Variants in PTPRK observed in about 807,000 individuals in gnomAD.
The protein encoded by PTPRK is protein tyrosine phosphatase receptor type K, also known as receptor-type tyrosine-protein phosphatase kappa.
In PTPRK, 75 loss-of-function variants were observed where a neutral mutation model predicts 178.0. That is an observed-to-expected ratio of 0.42 (90% CI 0.35 to 0.51). PTPRK has a LOEUF of 0.51. PTPRK is among the 20% of genes least tolerant of loss of function. The pLI is 0.02. For missense variants in PTPRK, 1,441 were observed against 1,797.8 expected, an observed-to-expected ratio of 0.80 and a Z score of 3.59; for synonymous variants, 637 against 620.6, an observed-to-expected ratio of 1.03 and a Z score of -0.39.
At chr6:128,423,726 G>A (rs913353834) in intron 1 of PTPRK, among the ~76,000 whole-genome samples, 2 of 152,040 alleles carry the variant, frequency 1.3e-5, no homozygotes, top group Non-Finnish European at 2.9e-5. Context: ...TACACGGGAG[G>A]CTGAGGCAGG....
At chr6:128,188,505 C>T (rs772213942) in intron 6 of PTPRK, among the ~76,000 whole-genome samples, 8 of 152,042 alleles carry the variant, frequency 5.3e-5, no homozygotes, top group Non-Finnish European at 8.8e-5. Context: ...TCAATCCTAC[C>T]TCCTTCCTAA....
chr6:128,178,842 C>T (rs1254216593), intron 7 of PTPRK, among the ~76,000 whole-genome samples: 1 of 151,724 alleles, frequency 6.6e-6, no homozygotes, highest in Non-Finnish European at 1.5e-5. Context: ...TGTTATTATC[C>T]ATAATATATT....
At chr6:128,209,597 C>A (rs1807697132) in intron 6 of PTPRK, among the ~76,000 whole-genome samples, 1 of 152,132 alleles carries the variant, frequency 6.6e-6, no homozygotes, top group African/African-American at 2.4e-5. Flanking sequence ...TTATACCTCA[C>A]TATTTTTGTT....
intron 7 of PTPRK, among the ~76,000 whole-genome samples, chr6:128,092,191 A>G (rs560409646): frequency 6.6e-6 from 1 of 152,332 alleles, no homozygotes; most frequent in Admixed American, 6.5e-5. Flanking sequence ...GTGGAAAGAA[A>G]TAGCTTTCTA....
intron 3 of PTPRK, among the ~76,000 whole-genome samples, chr6:128,298,639 T>C (rs995306171): frequency 1.3e-5 from 2 of 152,154 alleles, no homozygotes; most frequent in Non-Finnish European, 2.9e-5. Context: ...TCTCAATAGA[T>C]GCAGAAAAGG....
At chr6:128,244,267 G>C (rs1308131933) in intron 3 of PTPRK, among the ~76,000 whole-genome samples, 2 of 152,094 alleles carry the variant, frequency 1.3e-5, no homozygotes, top group Non-Finnish European at 2.9e-5. Flanking sequence ...AGATTATCAG[G>C]GTAAAATAAA....
At chr6:128,057,718 A>G (rs1242911402) in intron 13 of PTPRK, among the ~76,000 whole-genome samples, 1 of 152,110 alleles carries the variant, frequency 6.6e-6, no homozygotes, top group Non-Finnish European at 1.5e-5. Context: ...TTTCACTGTA[A>G]TAAGTCGTAG....
intron 24 of PTPRK, among the ~76,000 whole-genome samples, chr6:127,982,064 T>G (rs1775408122): frequency 6.6e-6 from 1 of 152,168 alleles, no homozygotes; most frequent in South Asian, 2.1e-4. Flanking sequence ...GGTCTTGAAC[T>G]GCTGACCTCA....
At chr6:128,108,067 AAAACACACAC>A (rs1790010065) in intron 7 of PTPRK, among the ~76,000 whole-genome samples, 2 of 126,234 alleles carry the variant, frequency 1.6e-5, no homozygotes, top group East Asian at 2.6e-4. Flanking sequence ...CCTAAATAGC[AAAACACACAC>A]ACACACACAC....
intron 7 of PTPRK, among the ~76,000 whole-genome samples, chr6:128,099,715 G>A (rs1385833824): frequency 6.6e-6 from 1 of 152,042 alleles, no homozygotes; most frequent in Non-Finnish European, 1.5e-5. Flanking sequence ...TTGCTTCAGG[G>A]AATAGAGAGA....
At chr6:128,219,657 C>T (rs1309930080) in intron 5 of PTPRK, among the ~76,000 whole-genome samples, 1 of 152,184 alleles carries the variant, frequency 6.6e-6, no homozygotes, top group African/African-American at 2.4e-5. Flanking sequence ...CCATAAATTG[C>T]TACTACACCA....
chr6:128,031,798 G>A (rs750712664), intron 13 of PTPRK, among the ~76,000 whole-genome samples: 6 of 151,732 alleles, frequency 4.0e-5, no homozygotes, highest in South Asian at 2.1e-4. Context: ...AACACCAAAA[G>A]TTAAGTGACA....
At chr6:127,986,007 T>TC (rs1389359653) in intron 21 of PTPRK, 132 bp from the exon 22 acceptor site, 5 of 781,356 alleles carry the variant, frequency 6.4e-6, no homozygotes, top group Non-Finnish European at 1.8e-6. Flanking sequence ...CTATGCCTTT[T>TC]CTTAAAAAAA....
Position 128,449,925 on chromosome 6 carries a change from G to A in PTPRK, c.101-52237C>T, listed in dbSNP as rs577886630. Among the ~76,000 whole-genome samples the A allele has an allele frequency of 3.4e-4, 46 of 135,196 alleles. 1 individual carries two copies. Among genetic ancestry groups the A allele is most frequent in the African/African-American group, 1.1e-3 (39 of 35,482 alleles). 88.7% of individuals were successfully genotyped at this position (135,196 alleles called of 152,430 possible). A position where few individuals can be genotyped will look rare whatever the true frequency, so the allele number is the denominator to read the frequency against. Reference sequence around the variant, plus strand: ...AGCCTGGCCAACGTGGTGAAGCCCCGTCTTTACTAAAAATGCAAAAAAAAA... The same window carrying A: ...AGCCTGGCCAACGTGGTGAAGCCCCATCTTTACTAAAAATGCAAAAAAAAA... On this transcript the variant is annotated intron_variant, in intron 1 of 29. Transcript: ENST00000368226.
At chr6:128,454,250 A>C (rs182240483) in intron 1 of PTPRK, among the ~76,000 whole-genome samples, 2 of 152,208 alleles carry the variant, frequency 1.3e-5, no homozygotes, top group African/African-American at 4.8e-5. Context: ...GTGAGAAATA[A>C]ATTTCTTTTG....
chr6:128,111,108 G>A (rs1303463917), intron 7 of PTPRK, among the ~76,000 whole-genome samples: 1 of 152,042 alleles, frequency 6.6e-6, no homozygotes, highest in East Asian at 1.9e-4. Context: ...CCTATCGGTA[G>A]GCATATTTAA....
At chr6:128,377,345 ACT>A (rs1268313321) in intron 2 of PTPRK, among the ~76,000 whole-genome samples, 3 of 151,808 alleles carry the variant, frequency 2.0e-5, no homozygotes, top group South Asian at 2.1e-4. Flanking sequence ...ATGCAGGGAA[ACT>A]CTCTCTTTTT....
At chr6:128,126,603 C>T (rs1793417433) in intron 7 of PTPRK, among the ~76,000 whole-genome samples, 1 of 152,120 alleles carries the variant, frequency 6.6e-6, no homozygotes, top group African/African-American at 2.4e-5. Flanking sequence ...CTTCCCACCT[C>T]AGCCTCCCAG....
chr6:128,040,188 C>T (rs1392358597), intron 13 of PTPRK, among the ~76,000 whole-genome samples: 1 of 152,140 alleles, frequency 6.6e-6, no homozygotes, highest in African/African-American at 2.4e-5. Context: ...AGTCTTTAGA[C>T]ATTCTTAGAC....
Sources: allele counts gnomAD v4.1 joint callset (sites outside exome capture counted in the v4.1 genomes callset), GRCh38; gene constraint gnomAD v4.1.1; transcripts MANE v1.5; gene names NCBI Gene and HGNC (gene_info 2026-07-23, HGNC 2026-07-21).